The following PDCD4 variants were observed in gnomAD, a reference collection of about 807,000 sequenced individuals.
PDCD4 encodes the protein programmed cell death 4.
Under a neutral mutation model 54.0 loss-of-function variants are expected in PDCD4, and 56 were observed. The ratio of observed to expected loss-of-function variants is 1.04; its 90% CI spans 0.84 to 1.30. The LOEUF (loss-of-function observed/expected upper bound fraction) is 1.30, where lower values mean the gene tolerates loss of function less well. PDCD4 is among the 50% of genes most tolerant of loss of function. The pLI, the probability that PDCD4 is intolerant of heterozygous loss-of-function variation, is 0.00. For synonymous variants in PDCD4, 186 were observed against 194.8 expected, an observed-to-expected ratio of 0.95 and a Z score of 0.37; for missense variants, 584 against 559.8, an observed-to-expected ratio of 1.04 and a Z score of -0.44.
chr10:110,896,153 G>T (rs1845829078), intron 11 of PDCD4, 66 bp downstream of exon 11: 1 of 1,232,050 alleles, frequency 8.1e-7, no homozygotes, highest in Non-Finnish European at 1.1e-6. Flanking sequence ...AAGGTTAACT[G>T]CTAAGTTAGT....
At chr10:110,874,638 G>A (rs578255971) in intron 1 of PDCD4, among the ~76,000 whole-genome samples, 6 of 152,060 alleles carry the variant, frequency 3.9e-5, no homozygotes, top group African/African-American at 1.4e-4. Flanking sequence ...ATTTTCTTAA[G>A]TTCCCAAGCA....
At chr10:110,872,900 C>T (rs755264038) in intron 1 of PDCD4, among the ~76,000 whole-genome samples, 5 of 152,184 alleles carry the variant, frequency 3.3e-5, no homozygotes, top group African/African-American at 4.8e-5. Context: ...TTTCGCCCCC[C>T]TCCCCCTTGT....
At chr10:110,894,827 T>C (rs1365905578) in intron 10 of PDCD4, among the ~76,000 whole-genome samples, 1 of 151,664 alleles carries the variant, frequency 6.6e-6, no homozygotes, top group Non-Finnish European at 1.5e-5. Flanking sequence ...GAGAGAAACA[T>C]GAACCTTTAA....
intron 8 of PDCD4, among the ~76,000 whole-genome samples, chr10:110,892,939 CTA>C (rs1490809361): frequency 6.6e-6 from 1 of 151,956 alleles, no homozygotes; most frequent in Admixed American, 6.6e-5. Context: ...TGTACCTTTT[CTA>C]TGTTTAGATA....
chr10:110,894,349 G>A, intron 9 of PDCD4, 63 bp from the exon 10 acceptor site: 1 of 928,388 alleles, frequency 1.1e-6, no homozygotes, highest in South Asian at 1.4e-5. Context: ...GCATCTAGGT[G>A]CATTTTAGGA....
At chr10:110,897,274 A>G (rs1197164400) in intron 11 of PDCD4, among the ~76,000 whole-genome samples, 1 of 152,242 alleles carries the variant, frequency 6.6e-6, no homozygotes, top group African/African-American at 2.4e-5. Context: ...TACATACCAT[A>G]CAGCTTTGAC....
intron 1 of PDCD4, 96 bp from the exon 2 acceptor site, chr10:110,875,870 G>A (rs980353479): frequency 3.9e-5 from 18 of 457,188 alleles, no homozygotes; most frequent in South Asian, 1.1e-4. Context: ...TGTTGTTGTC[G>A]TTTGTTTTTA....
chr10:110,881,545 T>G lies in PDCD4; in HGVS notation c.346+10T>G. On this transcript the variant is annotated intron_variant, in intron 3 of 11. Transcript: ENST00000280154. Reference sequence around the variant, plus strand: ...GGACTACCAAAGAAAGGTTGGTATATATCATGTCCAACAAATGGAAGATAA... The same window carrying G: ...GGACTACCAAAGAAAGGTTGGTATAGATCATGTCCAACAAATGGAAGATAA... 1 of 1,580,602 alleles carries G rather than the reference T, an allele frequency of 6.3e-7. No homozygotes were observed. The highest frequency in any genetic ancestry group is 2.3e-5 in the East Asian group (1 of 44,318).
In PDCD4 at chr10:110,899,219, T is replaced by C. The variant is rs143977617; in HGVS notation, c.*1131T>C. Reference sequence around the variant, plus strand: ...CTAATTTAAACTGCCAAATATTGACTGCAGCAAACAAGAATTATATTCAGA... The same window carrying C: ...CTAATTTAAACTGCCAAATATTGACCGCAGCAAACAAGAATTATATTCAGA... On this transcript the variant is annotated 3_prime_UTR_variant, in exon 12 of 12. Transcript: ENST00000280154. 1 of 152,322 alleles carries C rather than the reference T, an allele frequency of 6.6e-6. No individual in the cohort carries two copies. Among genetic ancestry groups the C allele is most frequent in the African/African-American group, 2.4e-5 (1 of 41,582 alleles). The allele number at this position is 152,322 out of a possible 1,614,324, so 9.4% of individuals were successfully genotyped here. A position where few individuals can be genotyped will look rare whatever the true frequency, so the allele number is the denominator to read the frequency against.
intron 5 of PDCD4, 38 bp from the exon 6 acceptor site, chr10:110,887,627 A>G (rs2135208766): frequency 6.9e-7 from 1 of 1,459,652 alleles, no homozygotes; most frequent in Non-Finnish European, 9.5e-7. Context: ...AGGTAGTGAT[A>G]CACTTTTAAA....
chr10:110,887,244 T>C (rs1035317859), intron 5 of PDCD4, among the ~76,000 whole-genome samples: 6 of 152,152 alleles, frequency 3.9e-5, no homozygotes, highest in Non-Finnish European at 5.9e-5. Flanking sequence ...TAACATACTA[T>C]ACAGGTTTGT....
At chr10:110,874,643 C>T (rs971441543) in intron 1 of PDCD4, among the ~76,000 whole-genome samples, 1 of 151,936 alleles carries the variant, frequency 6.6e-6, no homozygotes, top group Non-Finnish European at 1.5e-5. Context: ...CTTAAGTTCC[C>T]AAGCAATATG....
At chr10:110,872,762 C>G (rs1437923377) in intron 1 of PDCD4, among the ~76,000 whole-genome samples, 1 of 152,248 alleles carries the variant, frequency 6.6e-6, no homozygotes. Context: ...TAAAATCTCC[C>G]AGAGAAAACA....
chr10:110,897,131 A>C (rs561838345), intron 11 of PDCD4, among the ~76,000 whole-genome samples: 14 of 152,292 alleles, frequency 9.2e-5, no homozygotes, highest in African/African-American at 3.1e-4. Flanking sequence ...TTTTCCACTT[A>C]GACTTAATAT....
chr10:110,897,606 T>A (rs1197881552), intron 11 of PDCD4, among the ~76,000 whole-genome samples: 2 of 152,202 alleles, frequency 1.3e-5, no homozygotes, highest in East Asian at 3.8e-4. Context: ...CATTTTTTTT[T>A]AAATTGCCAA....
At chr10:110,897,883 A>C in intron 11 of PDCD4, 145 bp from the exon 12 acceptor site, 10 of 478,878 alleles carry the variant, frequency 2.1e-5, no homozygotes, top group Non-Finnish European at 1.5e-5. Flanking sequence ...TTCCAAAGGA[A>C]TTAGAGGCAT....
In PDCD4 at chr10:110,898,036, A is replaced by T; in HGVS notation, c.1358A>T (p.Lys453Met). 2 of 1,589,848 alleles carry T rather than the reference A, an allele frequency of 1.3e-6. No individual in the cohort carries two copies. The highest frequency in any genetic ancestry group is 1.7e-6 in the Non-Finnish European group (2 of 1,165,980). ...TTTTTTCTTCATTACAGGGGCAGAA[A>T]GCGTTTTGTAAGCGAAGGAGATGGA... ...LRDLCPSRGR[K>M]RFVSEGDGGR... Residue 453 changes from lysine (K) to methionine (M), a missense_variant, in exon 12 of 12, where the codon AAG becomes ATG. Transcript: ENST00000280154.
chr10:110,872,403 A>G (rs1340587572), intron 1 of PDCD4, among the ~76,000 whole-genome samples: 1 of 151,910 alleles, frequency 6.6e-6, no homozygotes, highest in African/African-American at 2.4e-5. Flanking sequence ...CGGGATTGGA[A>G]GGCGTGTTTC....
At chr10:110,881,120 C>G in intron 2 of PDCD4, 113 bp from the exon 3 acceptor site, 2 of 702,684 alleles carry the variant, frequency 2.8e-6, no homozygotes, top group South Asian at 3.8e-5. Context: ...CTGTAATTTA[C>G]CTACAAAAAT....
Sources: gnomAD v4.1 joint callset for allele counts (sites outside exome capture counted in the v4.1 genomes callset) on GRCh38, gnomAD v4.1.1 for gene constraint, MANE v1.5 for transcripts, NCBI Gene and HGNC (gene_info 2026-07-23, HGNC 2026-07-21) for gene names.